Variants in ANXA4 observed in about 807,000 individuals in gnomAD.
The protein encoded by ANXA4 is annexin A4, also known as 35-beta calcimedin.
Under a neutral mutation model 49.8 loss-of-function variants are expected in ANXA4, and 39 were observed. The observed-to-expected ratio is 0.78, with a 90% CI of 0.61 to 1.02. ANXA4 has a LOEUF of 1.02. ANXA4 is among the 50% of genes least tolerant of loss of function. The pLI is 0.00. For missense variants in ANXA4, 360 were observed against 410.1 expected (o/e 0.88, Z 1.05); for synonymous variants, 134 against 152.5 (o/e 0.88, Z 0.89).
intron 6 of ANXA4, chr2:69,808,260 T>G (rs1476339213): frequency 2.6e-6 from 1 of 383,538 alleles, no homozygotes; most frequent in Non-Finnish European, 4.9e-6. Flanking sequence ...AAGTTGTTCC[T>G]TATTATCAGA....
chr2:69,790,378 G>A lies in ANXA4; in HGVS notation c.97+2237G>A, dbSNP rs1340201763. Among the ~76,000 whole-genome samples the A allele has an allele frequency of 3.9e-5, 6 of 152,052 alleles. 1 individual carries two copies. The East Asian group carries it at 7.7e-4, about 20-fold the overall frequency. ...CCTGGGGTTGATTTAAGGGTCCCTC[G>A]TAGGAGGGCAGTTTCATTTTCGGCT... On this transcript the variant is annotated intron_variant, in intron 3 of 12. Transcript: ENST00000394295.
rs376382183 is a variant in ANXA4 at position 69,804,547 on chromosome 2, G to T, written c.112G>T (p.Ala38Ser). The T allele has an allele frequency of 6.2e-7, 1 of 1,613,706 alleles. No homozygotes were observed. Among genetic ancestry groups the T allele is most frequent in the South Asian group, 1.1e-5 (1 of 91,018 alleles). ...TCTTCCCCCAGGCACCGATGAAGAC[G>T]CCATTATTAGCGTCCTTGCCTACCG... ...AMKGLGTDED[A>S]IISVLAYRNT... is the part of the protein sequence containing the mutation. Residue 38 changes from alanine (A) to serine (S), a missense_variant, in exon 4 of 13, where the codon GCC (alanine) becomes TCC (serine). Physicochemically the swap from Ala to Ser is moderately conservative, Grantham distance 99. Coordinates refer to ENST00000394295, the MANE Select transcript of ANXA4 (RefSeq NM_001153.5).
At chr2:69,665,289 G>A (rs988576522) in intron 2 of ANXA4, among the ~76,000 whole-genome samples, 1 of 152,040 alleles carries the variant, frequency 6.6e-6, no homozygotes, top group Non-Finnish European at 1.5e-5. Flanking sequence ...AGGAACCCTG[G>A]CTGTTGAAGC....
intron 1 of ANXA4, among the ~76,000 whole-genome samples, chr2:69,755,035 A>G (rs2105504843): frequency 6.6e-6 from 1 of 152,352 alleles, no homozygotes; most frequent in African/African-American, 2.4e-5. Context: ...ATTCTATTAG[A>G]TGGTACAGCA....
intron 3 of ANXA4, among the ~76,000 whole-genome samples, chr2:69,721,859 A>T (rs1212163257): frequency 6.6e-6 from 1 of 152,176 alleles, no homozygotes; most frequent in African/African-American, 2.4e-5. Context: ...GGATATTTTC[A>T]CCAATATTTT....
chr2:69,775,612 T>C (rs189657610), intron 1 of ANXA4, among the ~76,000 whole-genome samples: 12 of 152,350 alleles, frequency 7.9e-5, no homozygotes, highest in African/African-American at 2.6e-4. Context: ...GAGGATAGTG[T>C]GTGGGTTAGT....
chr2:69,738,528 C>T (rs1670301210), upstream of ANXA4, among the ~76,000 whole-genome samples: 2 of 152,050 alleles, frequency 1.3e-5, no homozygotes, highest in African/African-American at 4.8e-5. Context: ...CCCCTCCCCA[C>T]TCAGGGATGG....
chr2:69,646,075 A>G (rs1487152722), intron 1 of ANXA4, among the ~76,000 whole-genome samples: 2 of 152,180 alleles, frequency 1.3e-5, no homozygotes, highest in African/African-American at 4.8e-5. Flanking sequence ...TTAGAAACCC[A>G]CGCACAAGCA....
chr2:69,663,292 CCTTTTTTTTTTTTTTTT>C (rs1676797736), intron 2 of ANXA4, among the ~76,000 whole-genome samples: 1 of 53,370 alleles, frequency 1.9e-5, no homozygotes, highest in Non-Finnish European at 3.4e-5. Flanking sequence ...ATGCACCCGG[CCTTTTTTTTTTTTTTTT>C]TTTTTTTTTT....
chr2:69,774,137 C>A (rs1412442703), intron 1 of ANXA4, among the ~76,000 whole-genome samples: 2 of 151,762 alleles, frequency 1.3e-5, no homozygotes, highest in African/African-American at 4.8e-5. Context: ...GTGTTAATAA[C>A]CATTTAAAAA....
chr2:69,721,315 G>T (rs1669805787), intron 3 of ANXA4, among the ~76,000 whole-genome samples: 1 of 152,228 alleles, frequency 6.6e-6, no homozygotes, highest in South Asian at 2.1e-4. Context: ...TACAGGGTGG[G>T]TAGGCCTGTT....
At chr2:69,782,934 C>T (rs184348134) in intron 2 of ANXA4, among the ~76,000 whole-genome samples, 7 of 152,224 alleles carry the variant, frequency 4.6e-5, no homozygotes, top group Admixed American at 2.6e-4. Context: ...ACTATACAGT[C>T]GCAACATTGG....
chr2:69,657,460 G>T (rs971728067), intron 2 of ANXA4, among the ~76,000 whole-genome samples: 1 of 149,250 alleles, frequency 6.7e-6, no homozygotes, highest in African/African-American at 2.6e-5. Context: ...ACGCAATGGA[G>T]ACTAAATACC....
chr2:69,685,679 G>A (rs770745709), intron 2 of ANXA4, among the ~76,000 whole-genome samples: 2 of 152,284 alleles, frequency 1.3e-5, no homozygotes, highest in South Asian at 4.1e-4. Context: ...GAGGTCTAAG[G>A]AATTAAATCT....
At chr2:69,722,813 A>G (rs926451402) in intron 3 of ANXA4, among the ~76,000 whole-genome samples, 1 of 152,124 alleles carries the variant, frequency 6.6e-6, no homozygotes, top group Non-Finnish European at 1.5e-5. Context: ...GCAAAAACAA[A>G]TAAATGGGTC....
intron 2 of ANXA4, among the ~76,000 whole-genome samples, chr2:69,670,109 C>A (rs1677116250): frequency 6.6e-6 from 1 of 152,076 alleles, no homozygotes. Context: ...CAAAATCATT[C>A]CAGCATATTA....
chr2:69,732,313 C>A (rs1054168595), intron 3 of ANXA4, among the ~76,000 whole-genome samples: 10 of 151,914 alleles, frequency 6.6e-5, no homozygotes, highest in African/African-American at 2.4e-4. Flanking sequence ...AGATTTTACC[C>A]TTGATGGGAG....
At chr2:69,732,546 G>A (rs1329617467) in intron 3 of ANXA4, among the ~76,000 whole-genome samples, 1 of 151,738 alleles carries the variant, frequency 6.6e-6, no homozygotes, top group Non-Finnish European at 1.5e-5. Context: ...ATCACCTGAG[G>A]TCGGGAGTTC....
chr2:69,649,924 A>ATTTTTTT (rs35212855), intron 1 of ANXA4, among the ~76,000 whole-genome samples: 5 of 52,014 alleles, frequency 9.6e-5, no homozygotes, highest in Non-Finnish European at 1.5e-4. Flanking sequence ...GCCTGGCCTG[A>ATTTTTTT]TTTTTTTTTT....
Sources: gnomAD v4.1 joint callset for allele counts (sites outside exome capture counted in the v4.1 genomes callset) on GRCh38, gnomAD v4.1.1 for gene constraint, MANE v1.5 for transcripts, NCBI Gene and HGNC (gene_info 2026-07-23, HGNC 2026-07-21) for gene names.